Variants in GLIS3 observed in about 807,000 individuals in gnomAD.
GLIS3 encodes GLIS family zinc finger 3.
GLIS3 carries 53 observed loss-of-function variants against 78.6 expected under a neutral mutation model. The observed-to-expected ratio is 0.67, with a 90% confidence interval of 0.54 to 0.85. The LOEUF (loss-of-function observed/expected upper bound fraction) is 0.85. Ranked by LOEUF, GLIS3 falls within the 40% of genes least tolerant of loss-of-function variation. The pLI, the probability that GLIS3 is intolerant of heterozygous loss-of-function variation, is 0.00. For synonymous variants in GLIS3, 684 were observed against 509.9 expected, an observed-to-expected ratio of 1.34 and a Z score of -4.60; for missense variants, 1,703 against 1,231.1, an observed-to-expected ratio of 1.38 and a Z score of -5.74.
rs141631175 is a variant in GLIS3 at position 4,024,292 on chromosome 9, A to G, written c.1711-87103T>C. 2.0e-5 allele frequency among the ~76,000 whole-genome samples: 3 copies of G among 152,330 alleles called. No individual in the cohort carries two copies. The East Asian group carries it at 5.8e-4, about 29-fold the overall frequency. Reference sequence around the variant, plus strand: ...AAAGTGCTGTGTTTCCATTCTAATTAGCATCACGGCTGTACGAGCTGCAAA... The same window carrying G: ...AAAGTGCTGTGTTTCCATTCTAATTGGCATCACGGCTGTACGAGCTGCAAA... On this transcript the variant is annotated intron_variant, in intron 4 of 10. Coordinates refer to ENST00000381971, the MANE Select transcript of GLIS3 (RefSeq NM_001042413.2).
chr9:4,145,494 C>T (rs1834152232), intron 2 of GLIS3, among the ~76,000 whole-genome samples: 1 of 151,994 alleles, frequency 6.6e-6, no homozygotes, highest in African/African-American at 2.4e-5. Context: ...GATCTAAAAC[C>T]AAAAATGACC....
At chr9:3,963,344 G>T (rs539392356) in intron 4 of GLIS3, among the ~76,000 whole-genome samples, 14 of 152,254 alleles carry the variant, frequency 9.2e-5, no homozygotes, top group Admixed American at 5.9e-4. Flanking sequence ...AACAAAACTG[G>T]CAGTGAGAGT....
chr9:3,916,915 G>C (rs1416805481), intron 6 of GLIS3, among the ~76,000 whole-genome samples: 2 of 152,112 alleles, frequency 1.3e-5, no homozygotes, highest in Admixed American at 6.5e-5. Context: ...AGGGAAACTT[G>C]AACTAAAAGA....
chr9:4,428,735 A>G, the GLIS3 span, among the ~76,000 whole-genome samples: 7 of 152,246 alleles, frequency 4.6e-5, no homozygotes, highest in South Asian at 1.2e-3. Context: ...ATCCCGCAAA[A>G]GCCAAAGCAA....
At chr9:4,168,233 C>T (rs1816048504) in intron 2 of GLIS3, among the ~76,000 whole-genome samples, 1 of 152,016 alleles carries the variant, frequency 6.6e-6, no homozygotes, top group Admixed American at 6.6e-5. Context: ...GCCAAAGCTT[C>T]AGACTAGCTC....
intron 4 of GLIS3, among the ~76,000 whole-genome samples, chr9:4,306,318 A>G (rs895240941): frequency 6.6e-6 from 1 of 152,074 alleles, no homozygotes; most frequent in African/African-American, 2.4e-5. Context: ...GTTATGGCTC[A>G]TTCTCTCTTC....
At chr9:4,169,662 T>G (rs867543417) in intron 2 of GLIS3, among the ~76,000 whole-genome samples, 11 of 152,182 alleles carry the variant, frequency 7.2e-5, no homozygotes, top group African/African-American at 2.4e-4. Context: ...TGTGCATGTT[T>G]GTAGAAACTG....
At chr9:4,108,824 G>C (rs1830978100) in intron 4 of GLIS3, among the ~76,000 whole-genome samples, 2 of 152,122 alleles carry the variant, frequency 1.3e-5, no homozygotes, top group African/African-American at 2.4e-5. Flanking sequence ...GCCCTCTCTA[G>C]AACATTCTGA....
chr9:4,103,251 G>A (rs1448857572), intron 4 of GLIS3, among the ~76,000 whole-genome samples: 2 of 152,086 alleles, frequency 1.3e-5, no homozygotes, highest in Non-Finnish European at 2.9e-5. Flanking sequence ...TATTTTTACA[G>A]ACTCATTAGG....
At chr9:4,145,597 T>A (rs989913918) in intron 2 of GLIS3, among the ~76,000 whole-genome samples, 3 of 152,192 alleles carry the variant, frequency 2.0e-5, no homozygotes, top group Non-Finnish European at 4.4e-5. Context: ...CTAAGAGGCA[T>A]GAACACCGAC....
Position 3,937,193 on chromosome 9 carries a change from C to G in GLIS3, c.1711-4G>C, listed in dbSNP as rs754576981. On this transcript the variant is annotated splice_region_variant and splice_polypyrimidine_tract_variant and intron_variant, in intron 4 of 10. Coordinates refer to ENST00000381971, the MANE Select transcript of GLIS3 (RefSeq NM_001042413.2). ...AGGCCTTCTCGCAACCTTCAAACTGCAAAAAGAAAACAATTTTTGGTGGTT... is the reference window on the plus strand; with the variant it reads ...AGGCCTTCTCGCAACCTTCAAACTGGAAAAAGAAAACAATTTTTGGTGGTT... 1.2e-6 allele frequency: 2 copies of G among 1,613,612 alleles called. No homozygotes were observed. Among genetic ancestry groups the G allele is most frequent in the Non-Finnish European group, 1.7e-6 (2 of 1,179,900 alleles).
chr9:4,106,957 A>G (rs889040260), intron 4 of GLIS3, among the ~76,000 whole-genome samples: 1 of 152,106 alleles, frequency 6.6e-6, no homozygotes, highest in South Asian at 2.1e-4. Flanking sequence ...CACTTGAGAT[A>G]GGGAGCATTT....
chr9:4,413,446 C>T, the GLIS3 span, among the ~76,000 whole-genome samples: 1 of 152,090 alleles, frequency 6.6e-6, no homozygotes, highest in African/African-American at 2.4e-5. Context: ...GTTGTACTTG[C>T]CTCCTAAGCC....
chr9:4,417,153 T>C, the GLIS3 span, among the ~76,000 whole-genome samples: 2 of 152,158 alleles, frequency 1.3e-5, no homozygotes, highest in African/African-American at 4.8e-5. Flanking sequence ...CGATGACCAA[T>C]CAAGGGTAGA....
At chr9:4,002,274 C>T (rs1283896703) in intron 4 of GLIS3, among the ~76,000 whole-genome samples, 9 of 152,166 alleles carry the variant, frequency 5.9e-5, no homozygotes, top group Admixed American at 5.9e-4. Flanking sequence ...CAGATTCTTC[C>T]TTCAGAGCCT....
chr9:4,189,732 C>T (rs1818152696), intron 2 of GLIS3, among the ~76,000 whole-genome samples: 1 of 152,096 alleles, frequency 6.6e-6, no homozygotes, highest in Admixed American at 6.5e-5. Flanking sequence ...TGAATTGATC[C>T]CTTTACCATT....
intron 4 of GLIS3, among the ~76,000 whole-genome samples, chr9:4,091,437 C>T (rs1032046041): frequency 6.6e-6 from 1 of 152,084 alleles, no homozygotes; most frequent in Admixed American, 6.6e-5. Context: ...TTCCATTTAT[C>T]CTTAGTGGAA....
intron 6 of GLIS3, among the ~76,000 whole-genome samples, chr9:3,919,755 G>A (rs1824751243): frequency 6.6e-6 from 1 of 151,938 alleles, no homozygotes; most frequent in Non-Finnish European, 1.5e-5. Context: ...AAAGGGGCTT[G>A]AAGAATTTTG....
intron 2 of GLIS3, among the ~76,000 whole-genome samples, chr9:4,272,315 G>C (rs986900378): frequency 6.6e-6 from 1 of 152,116 alleles, no homozygotes. Context: ...ACCACACATA[G>C]TAGAAATTCT....
Sources: allele counts gnomAD v4.1 joint callset (sites outside exome capture counted in the v4.1 genomes callset), GRCh38; gene constraint gnomAD v4.1.1; transcripts MANE v1.5; gene names NCBI Gene and HGNC (gene_info 2026-07-23, HGNC 2026-07-21).